The following ADARB2 variants were observed in gnomAD, a reference collection of about 807,000 sequenced individuals.
The protein encoded by ADARB2 is inactive double-stranded RNA-specific editase B2.
In ADARB2, 25 loss-of-function variants were observed where a neutral mutation model predicts 62.2. That is an observed-to-expected ratio of 0.40 (90% confidence interval 0.29 to 0.56). ADARB2 has a LOEUF of 0.56. Among genes scored for constraint, ADARB2 ranks in the 20% least tolerant of loss-of-function variants. The pLI, the probability that ADARB2 is intolerant of heterozygous loss-of-function variation, is 0.43. For synonymous variants in ADARB2, 572 were observed against 500.8 expected, an observed-to-expected ratio of 1.14 and a Z score of -1.90; for missense variants, 1,071 against 1,077.4, an observed-to-expected ratio of 0.99 and a Z score of 0.08.
At chr10:1,464,177 TGCGCCGGAGAAGAGG>T (rs1564297244) in intron 1 of ADARB2, among the ~76,000 whole-genome samples, 3 of 66,038 alleles carry the variant, frequency 4.5e-5, no homozygotes, top group Non-Finnish European at 6.6e-5. Context: ...CAGCGGGCAG[TGCGCCGGAGAAGAGG>T]GTGGACACAC....
intron 8 of ADARB2, among the ~76,000 whole-genome samples, chr10:1,194,133 T>C (rs1836876007): frequency 6.6e-6 from 1 of 152,234 alleles, no homozygotes; most frequent in South Asian, 2.1e-4. Context: ...TTGGCTAGGC[T>C]GTAGCACCCA....
chr10:1,678,908 A>G (rs1834502169), intron 1 of ADARB2, among the ~76,000 whole-genome samples: 1 of 152,050 alleles, frequency 6.6e-6, no homozygotes, highest in African/African-American at 2.4e-5. Context: ...AGCACAGAGG[A>G]GGAGAGAGTA....
chr10:1,476,597 G>C (rs992158041), intron 1 of ADARB2, among the ~76,000 whole-genome samples: 4 of 152,174 alleles, frequency 2.6e-5, no homozygotes, highest in Admixed American at 2.6e-4. Flanking sequence ...GCTGAGGTGA[G>C]GTTTTAAAGA....
chr10:1,616,936 G>A (rs12355070), intron 1 of ADARB2, among the ~76,000 whole-genome samples: 392 of 124,500 alleles, frequency 3.1e-3, no homozygotes, highest in African/African-American at 0.013. Context: ...GACACACTCC[G>A]CACCACCCTG....
At chr10:1,385,717 A>G (rs2387663) in intron 1 of ADARB2, among the ~76,000 whole-genome samples, 132,032 of 152,112 alleles carry the variant, frequency 0.87, 60,337 homozygotes, top group Non-Finnish European at 1. Flanking sequence ...TAAGGTAGAA[A>G]ATATACTTTA....
intron 3 of ADARB2, among the ~76,000 whole-genome samples, chr10:1,295,022 C>T (rs1046283591): frequency 4.6e-5 from 7 of 152,178 alleles, no homozygotes; most frequent in East Asian, 1.9e-4. Context: ...CTGGCTTCTG[C>T]GGGAACGGCC....
chr10:1,558,642 CCCCTCCGTGGGTGCTCAG>C (rs1832743594), intron 1 of ADARB2, among the ~76,000 whole-genome samples: 3 of 139,298 alleles, frequency 2.2e-5, no homozygotes, highest in Admixed American at 1.4e-4. Flanking sequence ...CACCTCTGCC[CCCCTCCGTGGGTGCTCAG>C]CACCCCCATG....
At chr10:1,560,936 C>G (rs1269421455) in intron 1 of ADARB2, among the ~76,000 whole-genome samples, 2 of 152,192 alleles carry the variant, frequency 1.3e-5, no homozygotes, top group African/African-American at 4.8e-5. Context: ...CTCTCTTTCT[C>G]CAGTGAGGGC....
At chr10:1,654,751 C>T (rs150444915) in intron 1 of ADARB2, among the ~76,000 whole-genome samples, 114 of 152,330 alleles carry the variant, frequency 7.5e-4, no homozygotes, top group Middle Eastern at 3.4e-3. Context: ...GCAGCAATGT[C>T]GCCTCTCCCT....
intron 1 of ADARB2, among the ~76,000 whole-genome samples, chr10:1,523,002 C>G (rs542745801): frequency 1.3e-5 from 2 of 152,172 alleles, no homozygotes; most frequent in African/African-American, 4.8e-5. Context: ...AGTTTCAAAT[C>G]GTTATCTCCT....
At chr10:1,224,855 G>A (rs1830730569) in intron 6 of ADARB2, among the ~76,000 whole-genome samples, 1 of 152,268 alleles carries the variant, frequency 6.6e-6, no homozygotes, top group Admixed American at 6.5e-5. Flanking sequence ...CAGTTTTGGA[G>A]TAGGTGTGGT....
intron 3 of ADARB2, among the ~76,000 whole-genome samples, chr10:1,285,036 G>A (rs957970277): frequency 6.6e-6 from 1 of 152,152 alleles, no homozygotes; most frequent in Non-Finnish European, 1.5e-5. Context: ...GTGAGATAGT[G>A]CTTTGCAATA....
At chr10:1,253,137 A>G (rs1831050587) in intron 4 of ADARB2, among the ~76,000 whole-genome samples, 1 of 152,228 alleles carries the variant, frequency 6.6e-6, no homozygotes, top group Admixed American at 6.5e-5. Context: ...AGATTAAAGA[A>G]AATAATGCGA....
rs770723966 is a variant in ADARB2, at chr10:1,177,766, G to A, written c.*5427C>T. 3.3e-5 allele frequency: 5 copies of A among 152,264 alleles called. No homozygotes were observed. Among genetic ancestry groups the A allele is most frequent in the Admixed American group, 6.5e-5 (1 of 15,288 alleles). 9.4% of individuals were successfully genotyped at this position (152,264 alleles called of 1,614,324 possible). On this transcript the variant is annotated 3_prime_UTR_variant, in exon 10 of 10. Transcript: ENST00000381312. ...TGTTCCTCTCACCAGGGTTTGATCT[G>A]TCTGCGGTTCCCGCAGGAGTGATAT...
intron 1 of ADARB2, among the ~76,000 whole-genome samples, chr10:1,731,234 C>T (rs759391565): frequency 5.3e-5 from 8 of 152,180 alleles, no homozygotes; most frequent in African/African-American, 7.2e-5. Flanking sequence ...TCAGGGCCTA[C>T]GAGCCCTGTT....
intron 1 of ADARB2, among the ~76,000 whole-genome samples, chr10:1,530,615 C>T (rs955971064): frequency 7.2e-5 from 11 of 152,204 alleles, no homozygotes; most frequent in African/African-American, 2.7e-4. Flanking sequence ...GCCCAAAGCC[C>T]TCCATGCACA....
intron 1 of ADARB2, among the ~76,000 whole-genome samples, chr10:1,653,525 T>C (rs1461832704): frequency 6.6e-6 from 1 of 151,932 alleles, no homozygotes; most frequent in Non-Finnish European, 1.5e-5. Context: ...AGCCGCAGTC[T>C]CCACCAGACG....
chr10:1,205,874 C>G (rs905396011), intron 7 of ADARB2, among the ~76,000 whole-genome samples: 1 of 150,792 alleles, frequency 6.6e-6, no homozygotes. Flanking sequence ...CAGCCCGCTG[C>G]GGCCAGGTGG....
At chr10:1,728,556 A>G (rs1254368642) in intron 1 of ADARB2, among the ~76,000 whole-genome samples, 1 of 152,198 alleles carries the variant, frequency 6.6e-6, no homozygotes, top group Non-Finnish European at 1.5e-5. Flanking sequence ...ACAAGTGCAC[A>G]TGTTAACGGC....
Sources: gnomAD v4.1 joint callset for allele counts (sites outside exome capture counted in the v4.1 genomes callset) on GRCh38, gnomAD v4.1.1 for gene constraint, MANE v1.5 for transcripts, NCBI Gene and HGNC (gene_info 2026-07-23, HGNC 2026-07-21) for gene names.